ASTN2: variants seen among roughly 807,000 people sequenced by gnomAD.
The protein encoded by ASTN2 is astrotactin-2.
Under a neutral mutation model 139.8 loss-of-function variants are expected in ASTN2, and 54 were observed. The observed-to-expected ratio is 0.39, with a 90% CI of 0.31 to 0.48. The LOEUF (loss-of-function observed/expected upper bound fraction) is 0.48, where lower values mean the gene tolerates loss of function less well. Ranked by LOEUF, ASTN2 falls within the 20% of genes least tolerant of loss-of-function variation. The pLI is 0.95. For missense variants in ASTN2, 1,565 were observed against 1,725.1 expected (o/e 0.91, Z 1.64); for synonymous variants, 756 against 719.5 (o/e 1.05, Z -0.81).
intron 3 of ASTN2, among the ~76,000 whole-genome samples, chr9:117,163,229 G>T (rs1287620301): frequency 1.3e-5 from 2 of 152,036 alleles, no homozygotes; most frequent in African/African-American, 4.8e-5. Flanking sequence ...CAGAAGGGAG[G>T]CCCACCTTTG....
chr9:117,183,518 C>T (rs941040292), intron 3 of ASTN2, among the ~76,000 whole-genome samples: 6 of 152,160 alleles, frequency 3.9e-5, no homozygotes, highest in Non-Finnish European at 8.8e-5. Flanking sequence ...TCCTTATTGT[C>T]TCCATTTTAG....
chr9:117,120,008 GTGTGTGTGTGTATATATATA>G (rs1314401614), intron 4 of ASTN2, among the ~76,000 whole-genome samples: 20 of 45,630 alleles, frequency 4.4e-4, no homozygotes, highest in Admixed American at 3.3e-3. Flanking sequence ...GTGTGTGTGT[GTGTGTGTGTGTATATATATA>G]TATATATATA....
intron 1 of ASTN2, among the ~76,000 whole-genome samples, chr9:117,345,953 T>G (rs972250946): frequency 6.9e-6 from 1 of 145,388 alleles, no homozygotes; most frequent in African/African-American, 2.5e-5. Context: ...TAACTCCCAT[T>G]CTGCCCATTC....
chr9:117,078,496 T>C (rs1828338347), intron 5 of ASTN2, among the ~76,000 whole-genome samples: 2 of 152,296 alleles, frequency 1.3e-5, no homozygotes, highest in South Asian at 2.1e-4. Flanking sequence ...AAAAATACCA[T>C]GTTATTAGAA....
chr9:116,785,563 T>C (rs1005994907), intron 13 of ASTN2, among the ~76,000 whole-genome samples: 1 of 152,110 alleles, frequency 6.6e-6, no homozygotes, highest in Non-Finnish European at 1.5e-5. Context: ...AAAACAAATT[T>C]CTCTTTCTAT....
intron 20 of ASTN2, among the ~76,000 whole-genome samples, chr9:116,480,879 A>C (rs1025069875): frequency 1.3e-5 from 2 of 152,170 alleles, no homozygotes; most frequent in Non-Finnish European, 2.9e-5. Context: ...AAGGCTGTGA[A>C]CATATGGTGT....
chr9:116,656,600 C>T (rs1433364420), intron 16 of ASTN2, among the ~76,000 whole-genome samples: 1 of 150,702 alleles, frequency 6.6e-6, no homozygotes, highest in African/African-American at 2.4e-5. Flanking sequence ...AATGACACTA[C>T]AACCCATTCA....
At chr9:116,989,465 C>G (rs561342415) in intron 7 of ASTN2, among the ~76,000 whole-genome samples, 1 of 152,102 alleles carries the variant, frequency 6.6e-6, no homozygotes, top group Non-Finnish European at 1.5e-5. Flanking sequence ...CCCCAGGAAA[C>G]AAGAGGATTG....
intron 12 of ASTN2, among the ~76,000 whole-genome samples, chr9:116,808,869 T>C (rs973691222): frequency 3.9e-5 from 6 of 152,218 alleles, no homozygotes; most frequent in Admixed American, 3.3e-4. Context: ...CATTTTTGTT[T>C]GGATTTGCAT....
At chr9:117,262,407 T>G (rs1833845058) in intron 2 of ASTN2, among the ~76,000 whole-genome samples, 1 of 74,822 alleles carries the variant, frequency 1.3e-5, no homozygotes, top group African/African-American at 3.0e-5. Context: ...TTTTATTTAT[T>G]TATTTATTTA....
At chr9:117,059,794 T>C (rs973645626) in intron 5 of ASTN2, among the ~76,000 whole-genome samples, 1 of 152,158 alleles carries the variant, frequency 6.6e-6, no homozygotes, top group Admixed American at 6.5e-5. Context: ...ACTTATTCTC[T>C]AATCAACAAA....
intron 13 of ASTN2, among the ~76,000 whole-genome samples, chr9:116,804,861 T>C (rs140604124): frequency 3.8e-4 from 58 of 151,618 alleles, no homozygotes; most frequent in African/African-American, 1.4e-3. Flanking sequence ...TGTGTGAGTG[T>C]GTGTTTAGAT....
At position 116,820,578 on chromosome 9, in the gene ASTN2, T is replaced by C. The variant is rs373304882; in HGVS notation, c.2207+39A>G. On this transcript the variant is annotated intron_variant, in intron 12 of 22. Transcript: ENST00000313400. ...CATTTTCCCATGCATCCCTCACTTCTGTAAATGGGGCACCTGGGCCTTGGG... is the reference window on the plus strand; with the variant it reads ...CATTTTCCCATGCATCCCTCACTTCCGTAAATGGGGCACCTGGGCCTTGGG... 5 of 1,598,102 alleles carry C rather than the reference T, an allele frequency of 3.1e-6. No individual in the cohort carries two copies. The African/African-American group carries it at 4.0e-5, about 13-fold the overall frequency.
At chr9:117,135,347 A>G (rs1359510714) in intron 4 of ASTN2, among the ~76,000 whole-genome samples, 2 of 152,194 alleles carry the variant, frequency 1.3e-5, no homozygotes, top group African/African-American at 2.4e-5. Context: ...AGTTTTAAAT[A>G]AGATAAAATG....
In ASTN2 at chr9:116,461,735, T is replaced by C. The variant is rs187749769; in HGVS notation, c.3498-19182A>G. 4.6e-5 allele frequency among the ~76,000 whole-genome samples: 7 copies of C among 152,130 alleles called. No individual in the cohort carries two copies. In the East Asian group the frequency reaches 7.7e-4, roughly 17 times the overall value. ...ATCAGTGTGGATCCCTGAGTGACTG[T>C]TGGAATAGAGCTTCCTGCCAACCTG... On this transcript the variant is annotated intron_variant, in intron 20 of 22. Coordinates refer to ENST00000313400, the MANE Select transcript of ASTN2 (RefSeq NM_001365068.1).
intron 4 of ASTN2, among the ~76,000 whole-genome samples, chr9:117,125,838 G>A (rs1829675669): frequency 6.6e-6 from 1 of 150,728 alleles, no homozygotes; most frequent in Non-Finnish European, 1.5e-5. Context: ...GCGGGGGGGG[G>A]AATTGGATTG....
chr9:116,592,574 A>T (rs1854420377), intron 19 of ASTN2, among the ~76,000 whole-genome samples: 1 of 152,236 alleles, frequency 6.6e-6, no homozygotes, highest in Admixed American at 6.5e-5. Flanking sequence ...GCATACAGCA[A>T]ATTCAAGTTT....
intron 2 of ASTN2, among the ~76,000 whole-genome samples, chr9:117,284,254 C>G (rs995351213): frequency 6.6e-6 from 1 of 152,152 alleles, no homozygotes; most frequent in Non-Finnish European, 1.5e-5. Context: ...CAGGCTCACA[C>G]CACCAAGGCC....
intron 17 of ASTN2, among the ~76,000 whole-genome samples, chr9:116,627,785 T>A (rs1217263580): frequency 1.3e-5 from 2 of 152,220 alleles, no homozygotes; most frequent in African/African-American, 4.8e-5. Context: ...AGAATATTAA[T>A]AATTACGTGA....
Sources: gnomAD v4.1 joint callset for allele counts (sites outside exome capture counted in the v4.1 genomes callset) on GRCh38, gnomAD v4.1.1 for gene constraint, MANE v1.5 for transcripts, NCBI Gene and HGNC (gene_info 2026-07-23, HGNC 2026-07-21) for gene names.